Variants in DOCK3 observed in about 807,000 individuals in gnomAD.
The protein encoded by DOCK3 is dedicator of cytokinesis 3.
DOCK3 carries 60 observed loss-of-function variants against 265.6 expected under a neutral mutation model. The observed-to-expected ratio is 0.23, with a 90% CI of 0.18 to 0.28. DOCK3 has a LOEUF of 0.28. Among genes scored for constraint, DOCK3 ranks in the 10% least tolerant of loss-of-function variants. The pLI is 1.00. For synonymous variants in DOCK3, 881 were observed against 938.0 expected (o/e 0.94, Z 1.11); for missense variants, 1,981 against 2,594.3 (o/e 0.76, Z 5.14).
At chr3:51,174,750 T>C (rs2086855268) in intron 12 of DOCK3, among the ~76,000 whole-genome samples, 1 of 152,208 alleles carries the variant, frequency 6.6e-6, no homozygotes, top group South Asian at 2.1e-4. Flanking sequence ...AAGACTGGTT[T>C]TGGCAGGTAA....
intron 5 of DOCK3, among the ~76,000 whole-genome samples, chr3:50,960,859 G>A (rs1210685188): frequency 6.6e-6 from 1 of 152,084 alleles, no homozygotes; most frequent in Non-Finnish European, 1.5e-5. Context: ...TTGTGGTGGT[G>A]TGAGATAAAA....
At chr3:51,130,554 A>G (rs767848905) in intron 9 of DOCK3, among the ~76,000 whole-genome samples, 70 of 152,356 alleles carry the variant, frequency 4.6e-4, no homozygotes, top group Middle Eastern at 6.8e-3. Context: ...ATGCACTGTC[A>G]TTCTTCAAGA....
At chr3:50,877,748 A>G (rs1457635050) in intron 3 of DOCK3, 1 of 309,372 alleles carries the variant, frequency 3.2e-6, no homozygotes, top group African/African-American at 2.3e-5. Context: ...ATCTCAGCTC[A>G]CTGCAACCTC....
At chr3:51,035,653 C>T (rs1435454830) in intron 5 of DOCK3, among the ~76,000 whole-genome samples, 1 of 152,148 alleles carries the variant, frequency 6.6e-6, no homozygotes, top group Non-Finnish European at 1.5e-5. Flanking sequence ...GTGTCCTAAA[C>T]ATTGTAAATG....
In DOCK3 at chr3:51,360,456, C is replaced by G. The variant is rs2086651867; in HGVS notation, c.4885-55C>G. 2.7e-5 allele frequency: 42 copies of G among 1,564,992 alleles called. No individual in the cohort carries two copies. The South Asian group carries it at 4.7e-4, about 18-fold the overall frequency. On this transcript the variant is annotated intron_variant, in intron 46 of 52. Coordinates refer to ENST00000266037, the MANE Select transcript of DOCK3 (RefSeq NM_004947.5). ...ACCAGTCAGTTATTCCCTCACATCC[C>G]TTAGTTACTTATTTATTCTTTACTC...
chr3:50,995,236 A>G (rs1195275928), intron 5 of DOCK3, among the ~76,000 whole-genome samples: 1 of 152,336 alleles, frequency 6.6e-6, no homozygotes, highest in Middle Eastern at 3.4e-3. Context: ...TACATCTACA[A>G]TAAAAAGCCT....
intron 3 of DOCK3, among the ~76,000 whole-genome samples, chr3:50,858,155 A>C (rs2046707460): frequency 6.6e-6 from 1 of 152,182 alleles, no homozygotes; most frequent in Non-Finnish European, 1.5e-5. Context: ...GGAAACCATA[A>C]TTCTGAGCAA....
At chr3:50,697,081 C>T (rs1195688117) in intron 1 of DOCK3, among the ~76,000 whole-genome samples, 1 of 151,824 alleles carries the variant, frequency 6.6e-6, no homozygotes, top group Non-Finnish European at 1.5e-5. Flanking sequence ...CAGATGTGCA[C>T]CACCATGCCT....
rs534851657 is a variant in DOCK3, at chr3:50,978,823, C to T, written c.315+44746C>T. On this transcript the variant is annotated intron_variant, in intron 5 of 52. Coordinates refer to ENST00000266037, the MANE Select transcript of DOCK3 (RefSeq NM_004947.5). ...CTCCGTGGGCGTAGGACCCTCCGAG[C>T]CACGTGCGGGATATAATCTTGTGGT... 1.4e-3 allele frequency among the ~76,000 whole-genome samples: 217 copies of T among 152,318 alleles called. 7 individuals carry two copies. In the South Asian group the frequency reaches 0.044, roughly 31 times the overall value.
Position 51,374,107 on chromosome 3 carries a change from G to A in DOCK3, c.5294-362G>A, listed in dbSNP as rs2087899845. ...GGCCTGTTCCCATGCCTGGACCCCA[G>A]GAGAGCCCAGCATACAGGCCACACC... On this transcript the variant is annotated intron_variant, in intron 49 of 52. Coordinates refer to ENST00000266037, the MANE Select transcript of DOCK3 (RefSeq NM_004947.5). This position sits in a 1 kb window ranked among gnomAD's most constrained non-coding sequence, Gnocchi z 4.8. 6.6e-6 allele frequency among the ~76,000 whole-genome samples: 1 copy of A among 152,194 alleles called. No homozygotes were observed. The highest frequency in any genetic ancestry group is 1.5e-5 in the Non-Finnish European group (1 of 68,036).
intron 27 of DOCK3, among the ~76,000 whole-genome samples, chr3:51,300,241 G>C (rs893807055): frequency 1.3e-5 from 2 of 152,076 alleles, no homozygotes; most frequent in Non-Finnish European, 2.9e-5. Context: ...TGTGATTTTT[G>C]CGCATTGATT....
intron 4 of DOCK3, among the ~76,000 whole-genome samples, chr3:50,896,953 G>C (rs2048922636): frequency 6.6e-6 from 1 of 152,142 alleles, no homozygotes; most frequent in Admixed American, 6.6e-5. Flanking sequence ...GCTTAGGATT[G>C]TTTTGGCTAT....
chr3:51,366,918 C>G (rs191996562), intron 49 of DOCK3, among the ~76,000 whole-genome samples: 1 of 152,058 alleles, frequency 6.6e-6, no homozygotes, highest in African/African-American at 2.4e-5. Flanking sequence ...ATTATGTGGT[C>G]AATTTTGGAA....
chr3:51,204,832 A>T (rs1221541026), intron 12 of DOCK3, among the ~76,000 whole-genome samples: 6 of 152,100 alleles, frequency 3.9e-5, no homozygotes, highest in Admixed American at 3.3e-4. Flanking sequence ...AATACTATGC[A>T]GCCATAAAAA....
At chr3:51,284,758 G>A (rs2081318547) in intron 27 of DOCK3, among the ~76,000 whole-genome samples, 1 of 152,124 alleles carries the variant, frequency 6.6e-6, no homozygotes, top group Non-Finnish European at 1.5e-5. Context: ...AAGTCCAAGT[G>A]TACCCATTCT....
intron 2 of DOCK3, among the ~76,000 whole-genome samples, chr3:50,834,838 G>T (rs1429088127): frequency 1.3e-5 from 2 of 151,996 alleles, no homozygotes; most frequent in Non-Finnish European, 2.9e-5. Flanking sequence ...TTCAAAAGGG[G>T]CAAACAAAAA....
intron 12 of DOCK3, among the ~76,000 whole-genome samples, chr3:51,188,468 C>T (rs908484612): frequency 1.3e-4 from 20 of 152,224 alleles, no homozygotes; most frequent in East Asian, 9.6e-4. Flanking sequence ...GTGTCCACCA[C>T]GCAAGTACAA....
At chr3:50,787,224 T>C in intron 2 of DOCK3, 4 of 577,846 alleles carry the variant, frequency 6.9e-6, no homozygotes, top group Non-Finnish European at 6.4e-6. Flanking sequence ...ATGAGTAATA[T>C]TCATTTGCTT....
chr3:50,820,367 T>C (rs911300958), intron 2 of DOCK3, among the ~76,000 whole-genome samples: 20 of 152,288 alleles, frequency 1.3e-4, no homozygotes, highest in South Asian at 4.1e-4. Flanking sequence ...GACCCTTACG[T>C]TGCAAAATCA....
Sources: gnomAD v4.1 joint callset for allele counts (sites outside exome capture counted in the v4.1 genomes callset) on GRCh38, gnomAD v4.1.1 for gene constraint, Gnocchi (gnomAD v3.1) non-coding constraint, MANE v1.5 for transcripts, NCBI Gene and HGNC (gene_info 2026-07-23, HGNC 2026-07-21) for gene names.